The following ST3GAL6 variants were observed in gnomAD, a reference collection of about 807,000 sequenced individuals.
ST3GAL6 encodes the protein ST3 beta-galactoside alpha-2,3-sialyltransferase 6, also known as type 2 lactosamine alpha-2,3-sialyltransferase.
A neutral mutation model predicts 40.5 loss-of-function variants in ST3GAL6; 31 were observed. The ratio of observed to expected loss-of-function variants is 0.77; its 90% confidence interval spans 0.58 to 1.03. ST3GAL6 has a LOEUF of 1.03. ST3GAL6 is among the 50% of genes least tolerant of loss of function. ST3GAL6 has a pLI of 0.00. For missense variants in ST3GAL6, 357 were observed against 393.2 expected (o/e 0.91, Z 0.78); for synonymous variants, 129 against 136.9 (o/e 0.94, Z 0.40).
upstream of ST3GAL6, chr3:98,762,534 A>G (rs1169204678): frequency 1.2e-5 from 2 of 165,062 alleles, no homozygotes; most frequent in Non-Finnish European, 2.5e-5. Context: ...TCCTTCTAGC[A>G]GAAAATCCCA....
At chr3:98,757,196 A>G (rs1387036274) in intron 1 of ST3GAL6, among the ~76,000 whole-genome samples, 1 of 152,250 alleles carries the variant, frequency 6.6e-6, no homozygotes, top group African/African-American at 2.4e-5. Flanking sequence ...ATTAAGGTTC[A>G]TCAGAGAATG....
Position 98,794,695 on chromosome 3 carries a change from T to G in ST3GAL6, c.*934T>G, listed in dbSNP as rs1464681058. On this transcript the variant is annotated 3_prime_UTR_variant, in exon 10 of 10. Transcript: ENST00000483910. ...CAGCTGGATTGCCTGAACTCAGGAG[T>G]TCAAGACCAGCCTGGCCAACATGGT... The G allele has an allele frequency of 6.6e-6, 1 of 151,646 alleles. No individual in the cohort carries two copies. The highest frequency in any genetic ancestry group is 1.5e-5 in the Non-Finnish European group (1 of 67,964). 9.4% of individuals were successfully genotyped at this position (151,646 alleles called of 1,614,324 possible). A position where few individuals can be genotyped will look rare whatever the true frequency, so the allele number is the denominator to read the frequency against.
At chr3:98,737,567 CTCA>C (rs1464614528) in intron 1 of ST3GAL6, among the ~76,000 whole-genome samples, 2 of 152,282 alleles carry the variant, frequency 1.3e-5, no homozygotes, top group African/African-American at 4.8e-5. Flanking sequence ...TTCAAGATGT[CTCA>C]TCATCACCAC....
chr3:98,764,644 G>C (rs1006755895), intron 1 of ST3GAL6, among the ~76,000 whole-genome samples: 1 of 152,192 alleles, frequency 6.6e-6, no homozygotes, highest in Non-Finnish European at 1.5e-5. Context: ...GCCTGATAGA[G>C]ACAGATTTGA....
intron 1 of ST3GAL6, among the ~76,000 whole-genome samples, chr3:98,742,927 C>T (rs192998077): frequency 2.6e-5 from 4 of 150,988 alleles, no homozygotes; most frequent in East Asian, 1.9e-4. Context: ...CTCAAACTCC[C>T]GACCTCAGGT....
rs756672425 is a variant in ST3GAL6, at chr3:98,791,939, C to A, written c.855C>A (p.Asp285Glu). 2 of 1,614,018 alleles carry A rather than the reference C, an allele frequency of 1.2e-6. No homozygotes were observed. The highest frequency in any genetic ancestry group is 4.5e-5 in the East Asian group (2 of 44,874). ...HLAGFKYNFS[D>E]LKSPLHYYGN... ...CTGGTTTTAAATACAACTTTTCTGA[C>A]CTCAAGAGTCCTTTGCACTACTATG... Residue 285 changes from aspartate to glutamate, a missense_variant, in exon 9 of 10, where the codon GAC becomes GAA. By Grantham distance (45) the Asp-to-Glu change is conservative. Transcript: ENST00000483910.
At chr3:98,754,664 A>G (rs1403327694) in intron 1 of ST3GAL6, among the ~76,000 whole-genome samples, 1 of 152,252 alleles carries the variant, frequency 6.6e-6, no homozygotes, top group African/African-American at 2.4e-5. Context: ...GGGAAATGTC[A>G]GTTGACACAG....
chr3:98,737,294 G>A (rs1355518478), intron 1 of ST3GAL6, among the ~76,000 whole-genome samples: 1 of 152,142 alleles, frequency 6.6e-6, no homozygotes, highest in Non-Finnish European at 1.5e-5. Flanking sequence ...CAGGTGATCC[G>A]CCCACTTCGG....
chr3:98,754,648 T>C (rs72932635), intron 1 of ST3GAL6, among the ~76,000 whole-genome samples: 129 of 152,320 alleles, frequency 8.5e-4, no homozygotes, highest in African/African-American at 3.1e-3. Flanking sequence ...AGAAATATTT[T>C]GTGAAGGGAA....
intron 1 of ST3GAL6, chr3:98,733,503 T>C (rs951198789): frequency 3.0e-6 from 3 of 986,862 alleles, no homozygotes; most frequent in Non-Finnish European, 3.6e-6. Flanking sequence ...TCTTACCGTA[T>C]AAAGTTTTTC....
At chr3:98,771,054 C>T (rs1938932224) in intron 3 of ST3GAL6, 98 bp downstream of exon 3, 2 of 1,502,658 alleles carry the variant, frequency 1.3e-6, no homozygotes, top group East Asian at 4.8e-5. Context: ...CAAATCTTAG[C>T]AGTATAAAGT....
At chr3:98,739,564 C>G (rs1265123769) in intron 1 of ST3GAL6, among the ~76,000 whole-genome samples, 1 of 152,108 alleles carries the variant, frequency 6.6e-6, no homozygotes, top group Non-Finnish European at 1.5e-5. Flanking sequence ...TATTCCATTA[C>G]AAATATTTAG....
chr3:98,735,687 C>A (rs967587072), intron 1 of ST3GAL6, among the ~76,000 whole-genome samples: 1 of 152,202 alleles, frequency 6.6e-6, no homozygotes, highest in Non-Finnish European at 1.5e-5. Context: ...TCTGTCCCAA[C>A]TGTGATGGAT....
intron 1 of ST3GAL6, among the ~76,000 whole-genome samples, chr3:98,743,615 A>G (rs79009185): frequency 2.6e-4 from 39 of 152,318 alleles, no homozygotes; most frequent in Non-Finnish European, 4.7e-4. Flanking sequence ...GTATAGTTCA[A>G]TAAATTTCCT....
chr3:98,783,706 C>T, intron 5 of ST3GAL6: 6 of 985,408 alleles, frequency 6.1e-6, no homozygotes, highest in Non-Finnish European at 7.2e-6. Flanking sequence ...GACAGCCCTC[C>T]CCGCCCCCAA....
chr3:98,746,719 ATTTAT>A (rs760847742), intron 1 of ST3GAL6, among the ~76,000 whole-genome samples: 1 of 152,016 alleles, frequency 6.6e-6, no homozygotes, highest in Non-Finnish European at 1.5e-5. Context: ...ATGCAATATT[ATTTAT>A]TTTATTTTAA....
upstream of ST3GAL6, among the ~76,000 whole-genome samples, chr3:98,759,154 T>C (rs1423818552): frequency 2.0e-5 from 3 of 152,202 alleles, 1 homozygote; most frequent in South Asian, 4.1e-4. Context: ...TTCGAGGATT[T>C]TATGCCAAGT....
intron 5 of ST3GAL6, among the ~76,000 whole-genome samples, chr3:98,775,875 G>T (rs1939500904): frequency 6.6e-6 from 1 of 152,140 alleles, no homozygotes; most frequent in Non-Finnish European, 1.5e-5. Context: ...CATGCTGACT[G>T]CAGGAGTCCT....
At chr3:98,752,831 AT>A (rs1400643098) in intron 1 of ST3GAL6, among the ~76,000 whole-genome samples, 11 of 152,324 alleles carry the variant, frequency 7.2e-5, no homozygotes, top group African/African-American at 2.4e-4. Flanking sequence ...CTACACCACT[AT>A]AAGACAGTCA....
Sources: gnomAD v4.1 joint callset for allele counts (sites outside exome capture counted in the v4.1 genomes callset) on GRCh38, gnomAD v4.1.1 for gene constraint, MANE v1.5 for transcripts, NCBI Gene and HGNC (gene_info 2026-07-23, HGNC 2026-07-21) for gene names.